The following TTC17 variants were observed in gnomAD, a reference collection of about 807,000 sequenced individuals.
TTC17 encodes the protein tetratricopeptide repeat protein 17.
TTC17 carries 58 observed loss-of-function variants against 143.8 expected under a neutral mutation model. The observed-to-expected ratio is 0.40, with a 90% confidence interval of 0.33 to 0.50. The LOEUF (loss-of-function observed/expected upper bound fraction) is 0.50. Among genes scored for constraint, TTC17 ranks in the 20% least tolerant of loss-of-function variants. The pLI is 0.49. For synonymous variants in TTC17, 501 were observed against 497.8 expected (o/e 1.01, Z -0.09); for missense variants, 1,273 against 1,392.5 (o/e 0.91, Z 1.37).
At chr11:43,434,816 G>A (rs1161890571) in intron 16 of TTC17, among the ~76,000 whole-genome samples, 1 of 152,132 alleles carries the variant, frequency 6.6e-6, no homozygotes, top group African/African-American at 2.4e-5. Context: ...GTTAAATATG[G>A]TAGCCTCCAA....
chr11:43,369,153 T>C (rs1304067586), intron 1 of TTC17, among the ~76,000 whole-genome samples: 1 of 152,244 alleles, frequency 6.6e-6, no homozygotes, highest in Admixed American at 6.5e-5. Flanking sequence ...TTATTAATTA[T>C]GTTATTTGTA....
chr11:43,466,709 G>C, intron 21 of TTC17: 1 of 360,836 alleles, frequency 2.8e-6, no homozygotes, highest in South Asian at 2.6e-5. Flanking sequence ...AAACAAATGA[G>C]TCCCAGTTTT....
At chr11:43,379,455 G>C in intron 2 of TTC17, 133 bp downstream of exon 2, 1 of 674,822 alleles carries the variant, frequency 1.5e-6, no homozygotes, top group Non-Finnish European at 2.5e-6. Flanking sequence ...TATACTACCT[G>C]CAATGTGTGT....
chr11:43,478,318 A>T (rs746074529), intron 21 of TTC17, among the ~76,000 whole-genome samples: 1 of 152,198 alleles, frequency 6.6e-6, no homozygotes, highest in Non-Finnish European at 1.5e-5. Flanking sequence ...GCAAAATGAA[A>T]CTTCTGTAAG....
intron 18 of TTC17, chr11:43,447,485 G>A (rs1590437695): frequency 6.6e-6 from 1 of 152,546 alleles, no homozygotes; most frequent in East Asian, 1.9e-4. Context: ...CATTTTTGTT[G>A]TTATATCTGG....
In TTC17 at chr11:43,443,312, C is replaced by T. The variant is rs1230774770; in HGVS notation, c.2252-13C>T. The T allele has an allele frequency of 6.2e-7, 1 of 1,613,244 alleles. No homozygotes were observed. Among genetic ancestry groups the T allele is most frequent in the South Asian group, 1.1e-5 (1 of 90,948 alleles). On this transcript the variant is annotated splice_polypyrimidine_tract_variant and intron_variant, in intron 16 of 23. Transcript: ENST00000039989. ...GTGTACCTTTTACTAACGTGCTGGC[C>T]CTTGAATTTCAGGTACGGTGGTTGA... is the stretch of plus-strand genomic sequence containing the variant.
chr11:43,436,824 A>G (rs1947304133), intron 16 of TTC17, among the ~76,000 whole-genome samples: 1 of 152,220 alleles, frequency 6.6e-6, no homozygotes, highest in South Asian at 2.1e-4. Context: ...GGAACCATGC[A>G]TAACTCATCC....
chr11:43,370,170 T>G, intron 1 of TTC17: 1 of 442,624 alleles, frequency 2.3e-6, no homozygotes, highest in Non-Finnish European at 4.5e-6. Flanking sequence ...TCAAAGAAGA[T>G]GTAAGCCCAT....
intron 21 of TTC17, among the ~76,000 whole-genome samples, chr11:43,479,315 G>C (rs1590495499): frequency 6.6e-6 from 1 of 152,052 alleles, no homozygotes; most frequent in East Asian, 1.9e-4. Flanking sequence ...TAAATGATGT[G>C]ATTACAAAGA....
intron 16 of TTC17, among the ~76,000 whole-genome samples, chr11:43,416,000 T>G (rs1946769470): frequency 1.3e-5 from 2 of 152,182 alleles, no homozygotes; most frequent in Non-Finnish European, 2.9e-5. Context: ...TTTTTAAATT[T>G]TTTATATTTA....
chr11:43,413,093 A>G (rs1487403284), intron 15 of TTC17, among the ~76,000 whole-genome samples: 2 of 151,978 alleles, frequency 1.3e-5, no homozygotes, highest in Non-Finnish European at 2.9e-5. Context: ...TTTGAGATTT[A>G]CTATAATTAA....
At chr11:43,400,151 GTTTATGAC>G (rs1857786493) in intron 9 of TTC17, 103 bp downstream of exon 9, 3 of 1,265,772 alleles carry the variant, frequency 2.4e-6, no homozygotes, top group Non-Finnish European at 3.3e-6. Context: ...GTGAAGTTGT[GTTTATGAC>G]TTCCCTACAT....
At chr11:43,421,320 A>C (rs1325742284) in intron 16 of TTC17, among the ~76,000 whole-genome samples, 5 of 152,236 alleles carry the variant, frequency 3.3e-5, no homozygotes, top group Non-Finnish European at 5.9e-5. Context: ...AGGGCTTTCC[A>C]TCTGTGGTGG....
intron 16 of TTC17, among the ~76,000 whole-genome samples, chr11:43,426,452 T>C (rs572902958): frequency 1.3e-5 from 2 of 152,400 alleles, no homozygotes; most frequent in South Asian, 4.1e-4. Flanking sequence ...TAAGTAGATA[T>C]GTTCAAATTA....
chr11:43,444,075 G>A lies in TTC17; in HGVS notation c.2531G>A (p.Arg844His), dbSNP rs1183718448. ...ATEWITFQVK[R>H]VKKPKGDHKK... ...TCCCAGATTACATTCCAGGTCAAAC[G>A]TGTAAAGAAACCCAAAGGAGATCAT... Residue 844 changes from arginine to histidine, a missense_variant, in exon 18 of 24, where the codon CGT becomes CAT. Coordinates refer to ENST00000039989, the MANE Select transcript of TTC17 (RefSeq NM_018259.6). The A allele has an allele frequency of 1.6e-5, 26 of 1,609,736 alleles. No homozygotes were observed. The highest frequency in any genetic ancestry group is 2.0e-5 in the Non-Finnish European group (24 of 1,178,770).
At chr11:43,417,920 C>G (rs1946813130) in intron 16 of TTC17, among the ~76,000 whole-genome samples, 1 of 152,162 alleles carries the variant, frequency 6.6e-6, no homozygotes, top group African/African-American at 2.4e-5. Context: ...AATAGTATGA[C>G]CTGGTGGTAA....
At chr11:43,383,233 G>GGAGA (rs144655441) in intron 2 of TTC17, among the ~76,000 whole-genome samples, 3 of 151,456 alleles carry the variant, frequency 2.0e-5, no homozygotes, top group Non-Finnish European at 3.0e-5. Context: ...AGGGAGTGGG[G>GGAGA]GAGAGAGAGA....
intron 16 of TTC17, among the ~76,000 whole-genome samples, chr11:43,428,382 T>A (rs1204429828): frequency 6.6e-6 from 1 of 152,240 alleles, no homozygotes; most frequent in African/African-American, 2.4e-5. Flanking sequence ...AGTAAACTTA[T>A]AATGAATTTT....
At chr11:43,376,022 C>T (rs1209684710) in intron 1 of TTC17, among the ~76,000 whole-genome samples, 1 of 152,098 alleles carries the variant, frequency 6.6e-6, no homozygotes, top group African/African-American at 2.4e-5. Flanking sequence ...AAAATATTTA[C>T]TCATGTTATA....
Sources: gnomAD v4.1 joint callset for allele counts (sites outside exome capture counted in the v4.1 genomes callset) on GRCh38, gnomAD v4.1.1 for gene constraint, MANE v1.5 for transcripts, NCBI Gene and HGNC (gene_info 2026-07-23, HGNC 2026-07-21) for gene names.